The following GABRG2 variants were observed in gnomAD, a reference collection of about 807,000 sequenced individuals.
The protein encoded by GABRG2 is gamma-aminobutyric acid type A receptor subunit gamma2.
Under a neutral mutation model 56.4 loss-of-function variants are expected in GABRG2, and 16 were observed. The ratio of observed to expected loss-of-function variants is 0.28; its 90% confidence interval spans 0.19 to 0.43. GABRG2 has a LOEUF of 0.43. Ranked by LOEUF, GABRG2 falls within the 20% of genes least tolerant of loss-of-function variation. GABRG2 has a pLI of 1.00. For synonymous variants in GABRG2, 208 were observed against 205.5 expected, an observed-to-expected ratio of 1.01 and a Z score of -0.10; for missense variants, 327 against 582.7, an observed-to-expected ratio of 0.56 and a Z score of 4.52.
At chr5:162,110,363 G>A (rs1762167263) in intron 6 of GABRG2, among the ~76,000 whole-genome samples, 1 of 152,006 alleles carries the variant, frequency 6.6e-6, no homozygotes, top group South Asian at 2.1e-4. Context: ...CTATCCCAAA[G>A]TCTCTGCTCC....
At chr5:162,105,353 G>A (rs1243628345) in intron 6 of GABRG2, among the ~76,000 whole-genome samples, 1 of 151,214 alleles carries the variant, frequency 6.6e-6, no homozygotes, top group Non-Finnish European at 1.5e-5. Context: ...TCATAGTAAT[G>A]CTTGAGTATA....
intron 8 of GABRG2, chr5:162,151,022 T>C (rs1765334452): frequency 1.3e-5 from 2 of 152,230 alleles, no homozygotes; most frequent in South Asian, 2.1e-4. Context: ...AGTTGGCATA[T>C]TACCTGCCAG....
At chr5:162,117,857 A>G (rs1762723031) in intron 6 of GABRG2, among the ~76,000 whole-genome samples, 5 of 152,178 alleles carry the variant, frequency 3.3e-5, no homozygotes. Flanking sequence ...ACAGATAAGT[A>G]GTGTTGGTAA....
At chr5:162,079,697 T>G (rs1017587240) in intron 1 of GABRG2, among the ~76,000 whole-genome samples, 1 of 152,076 alleles carries the variant, frequency 6.6e-6, no homozygotes, top group African/African-American at 2.4e-5. Context: ...ACCTATGTAT[T>G]TATTTACTTC....
intron 3 of GABRG2, among the ~76,000 whole-genome samples, chr5:162,096,343 TATAG>T (rs1016384162): frequency 6.3e-4 from 96 of 152,264 alleles, no homozygotes; most frequent in African/African-American, 1.2e-3. Context: ...GTAGAGGCTA[TATAG>T]ATAGTTTATT....
chr5:162,104,547 G>A (rs1396081977), intron 6 of GABRG2, among the ~76,000 whole-genome samples: 1 of 151,972 alleles, frequency 6.6e-6, no homozygotes, highest in East Asian at 1.9e-4. Context: ...ATAGACATTG[G>A]GCAAATGTAT....
At chr5:162,075,890 C>T (rs1251200671) in intron 1 of GABRG2, among the ~76,000 whole-genome samples, 2 of 151,792 alleles carry the variant, frequency 1.3e-5, no homozygotes, top group African/African-American at 4.8e-5. Flanking sequence ...TCTGTCTTTT[C>T]ATATTAAAAA....
chr5:162,152,961 T>A, intron 9 of GABRG2, 132 bp from the exon 10 acceptor site: 1 of 1,068,266 alleles, frequency 9.4e-7, no homozygotes, highest in South Asian at 1.3e-5. Context: ...CCATTGTAGA[T>A]CATGATGTCA....
At chr5:162,072,935 G>T (rs1332604627) in intron 1 of GABRG2, among the ~76,000 whole-genome samples, 1 of 151,828 alleles carries the variant, frequency 6.6e-6, no homozygotes, top group Non-Finnish European at 1.5e-5. Context: ...TGGGTTTTTA[G>T]ATCTGTCAAT....
chr5:162,113,183 A>G (rs1762377225), intron 6 of GABRG2, among the ~76,000 whole-genome samples: 1 of 152,066 alleles, frequency 6.6e-6, no homozygotes, highest in South Asian at 2.1e-4. Flanking sequence ...CAGGTGATAC[A>G]TCTGCCTAGG....
chr5:162,101,409 C>T (rs756375646), intron 5 of GABRG2, 92 bp downstream of exon 5: 51 of 915,438 alleles, frequency 5.6e-5, no homozygotes, highest in Non-Finnish European at 8.8e-5. Context: ...TAACAAATTT[C>T]AAAGTTGTAT....
intron 7 of GABRG2, among the ~76,000 whole-genome samples, chr5:162,144,147 A>G (rs369411916): frequency 1.3e-5 from 2 of 152,204 alleles, no homozygotes; most frequent in East Asian, 1.9e-4. Context: ...ACAAGCTTCT[A>G]TGTCTGTCAT....
chr5:162,095,247 TA>T (rs747034175), intron 2 of GABRG2, among the ~76,000 whole-genome samples: 1 of 152,192 alleles, frequency 6.6e-6, no homozygotes, highest in Non-Finnish European at 1.5e-5. Flanking sequence ...ATTTTTATGT[TA>T]GTTTTAAAAG....
chr5:162,117,922 T>G (rs1762729136), intron 6 of GABRG2, among the ~76,000 whole-genome samples: 1 of 152,118 alleles, frequency 6.6e-6, no homozygotes, highest in Non-Finnish European at 1.5e-5. Flanking sequence ...AGCCAACTTT[T>G]GTTGAGCATT....
At chr5:162,147,657 C>A (rs73316340) in intron 7 of GABRG2, among the ~76,000 whole-genome samples, 2,500 of 152,264 alleles carry the variant, frequency 0.016, 64 homozygotes, top group African/African-American at 0.056. Context: ...AGCCACCATG[C>A]CTGGCCCGAC....
In GABRG2 at chr5:162,097,713, C is replaced by T. The variant is rs74930063; in HGVS notation, c.403C>T (p.Leu135Phe). Reference protein sequence around the residue: ...RLKFNSTIKVLRLNSNMVGKI... With the variant: ...RLKFNSTIKVFRLNSNMVGKI... ...GAAATTTAACAGCACCATTAAAGTC[C>T]TCCGATTGAACAGCAACATGGTGGG... Residue 135 changes from leucine (L) to phenylalanine (F), a missense_variant, in exon 4 of 10, where the codon CTC (leucine) becomes TTC (phenylalanine). By Grantham distance (22) the Leu-to-Phe change is conservative. Transcript: ENST00000639213. 1 of 1,613,786 alleles carries T rather than the reference C, an allele frequency of 6.2e-7. No homozygotes were observed. The highest frequency in any genetic ancestry group is 8.5e-7 in the Non-Finnish European group (1 of 1,179,872).
intron 6 of GABRG2, among the ~76,000 whole-genome samples, chr5:162,113,857 T>G (rs1762426451): frequency 6.6e-6 from 1 of 152,220 alleles, no homozygotes; most frequent in African/African-American, 2.4e-5. Context: ...GGGTGGTTTC[T>G]TGTTACCAGT....
chr5:162,115,478 C>T (rs753857958), intron 6 of GABRG2, among the ~76,000 whole-genome samples: 26 of 150,070 alleles, frequency 1.7e-4, no homozygotes, highest in Non-Finnish European at 3.4e-4. Flanking sequence ...GGGAAGGGGA[C>T]CAGGGTGTTG....
intron 1 of GABRG2, among the ~76,000 whole-genome samples, chr5:162,072,037 T>A (rs1758715303): frequency 6.6e-6 from 1 of 152,006 alleles, no homozygotes; most frequent in African/African-American, 2.4e-5. Flanking sequence ...GAAAATTGGC[T>A]TGTAATTTAA....
Sources: allele counts gnomAD v4.1 joint callset (sites outside exome capture counted in the v4.1 genomes callset), GRCh38; gene constraint gnomAD v4.1.1; transcripts MANE v1.5; gene names NCBI Gene and HGNC (gene_info 2026-07-23, HGNC 2026-07-21).